The following PPHLN1 variants were observed in gnomAD, a reference collection of about 807,000 sequenced individuals.
PPHLN1 encodes the protein periphilin-1.
In PPHLN1, 29 loss-of-function variants were observed where a neutral mutation model predicts 51.3. The observed-to-expected ratio is 0.57, with a 90% CI of 0.42 to 0.77. The LOEUF is 0.77. Among genes scored for constraint, PPHLN1 ranks in the 30% least tolerant of loss-of-function variants. The pLI is 0.00. For missense variants in PPHLN1, 436 were observed against 438.4 expected, an observed-to-expected ratio of 0.99 and a Z score of 0.05; for synonymous variants, 147 against 147.8, an observed-to-expected ratio of 0.99 and a Z score of 0.04.
chr12:42,432,286 AT>A lies in PPHLN1; in HGVS notation c.910-9028del. ...CCTGACAACCTCTGCCTCTTCCACT[AT>A]GAGACCTAGAACCAATCTGTTATGG... On this transcript the variant is annotated intron_variant, in intron 9 of 9. Transcript: ENST00000358314. The A allele has an allele frequency of 4.0e-6, 3 of 758,518 alleles. No homozygotes were observed. The Admixed American group carries it at 5.2e-5, about 13-fold the overall frequency. The allele number at this position is 758,518 out of a possible 1,614,324, so 47.0% of individuals were successfully genotyped here.
At chr12:42,331,575 T>A (rs543004805) in intron 1 of PPHLN1, among the ~76,000 whole-genome samples, 1 of 152,220 alleles carries the variant, frequency 6.6e-6, no homozygotes, top group Non-Finnish European at 1.5e-5. Context: ...GAATTAAATA[T>A]CCCATGATGG....
chr12:42,419,666 A>T (rs1160042600), intron 9 of PPHLN1, among the ~76,000 whole-genome samples: 5 of 152,324 alleles, frequency 3.3e-5, no homozygotes, highest in Admixed American at 3.3e-4. Context: ...ATAAGAAGTT[A>T]CTTGTGTTGG....
At chr12:42,411,954 C>G (rs1458621625) in intron 9 of PPHLN1, among the ~76,000 whole-genome samples, 1 of 146,562 alleles carries the variant, frequency 6.8e-6, no homozygotes, top group Non-Finnish European at 1.5e-5. Context: ...CGCCTGTAAT[C>G]CCAGCACTTT....
At chr12:42,399,147 ACAGT>A in intron 9 of PPHLN1, 153 bp downstream of exon 9, 1 of 1,414,562 alleles carries the variant, frequency 7.1e-7, no homozygotes, top group South Asian at 1.7e-5. Context: ...AGTTGACTTC[ACAGT>A]CAGTTTGATC....
chr12:42,419,928 G>A (rs984339106), intron 9 of PPHLN1, among the ~76,000 whole-genome samples: 2 of 152,254 alleles, frequency 1.3e-5, no homozygotes, highest in African/African-American at 4.8e-5. Flanking sequence ...TGTTCAGTAT[G>A]TGAGGAGAAT....
intron 5 of PPHLN1, among the ~76,000 whole-genome samples, chr12:42,375,724 T>C (rs910465747): frequency 1.3e-5 from 2 of 152,202 alleles, no homozygotes; most frequent in Non-Finnish European, 2.9e-5. Context: ...TGCCTGAACC[T>C]ACATGACATT....
rs59044480 is a variant in PPHLN1 at position 42,346,334 on chromosome 12, A to AT, written c.73-5544dup. On this transcript the variant is annotated intron_variant, in intron 2 of 9. Coordinates refer to ENST00000358314, the MANE Select transcript of PPHLN1 (RefSeq NM_201439.2). ...CACATATAAATGATTATCATGCAAT[A>AT]TTTTTTTGTGTGTGTATCTAGCTTA... 4.6e-3 allele frequency among the ~76,000 whole-genome samples: 700 copies of AT among 151,608 alleles called. 7 individuals are homozygous for AT. The highest frequency in any genetic ancestry group is 6.8e-3 in the Non-Finnish European group (463 of 67,870).
intron 9 of PPHLN1, among the ~76,000 whole-genome samples, chr12:42,403,818 G>A (rs1844649617): frequency 6.6e-6 from 1 of 152,110 alleles, no homozygotes; most frequent in South Asian, 2.1e-4. Context: ...CCAAGTATAA[G>A]CTTCATTTTC....
chr12:42,372,205 C>G (rs778483010), intron 4 of PPHLN1, among the ~76,000 whole-genome samples: 2 of 152,048 alleles, frequency 1.3e-5, no homozygotes, highest in Non-Finnish European at 1.5e-5. Context: ...AAATTGAGGC[C>G]TGTTGTGATG....
At chr12:42,409,799 G>A (rs1383211054) in intron 9 of PPHLN1, among the ~76,000 whole-genome samples, 7 of 151,872 alleles carry the variant, frequency 4.6e-5, no homozygotes, top group Non-Finnish European at 1.0e-4. Flanking sequence ...GATAATTGAC[G>A]ATTATTTATC....
At chr12:42,352,116 AT>A in intron 3 of PPHLN1, 67 bp downstream of exon 3, 1 of 1,320,344 alleles carries the variant, frequency 7.6e-7, no homozygotes, top group African/African-American at 1.6e-5. Context: ...TAATTTAAAA[AT>A]TTATGTGACG....
At chr12:42,366,599 G>A (rs909665592) in intron 4 of PPHLN1, among the ~76,000 whole-genome samples, 3 of 151,396 alleles carry the variant, frequency 2.0e-5, no homozygotes, top group African/African-American at 7.3e-5. Flanking sequence ...GTGTTGCCCA[G>A]GCTGGTCTCT....
chr12:42,394,345 A>G (rs572767565), intron 8 of PPHLN1, among the ~76,000 whole-genome samples: 76 of 152,266 alleles, frequency 5.0e-4, no homozygotes, highest in Middle Eastern at 3.4e-3. Flanking sequence ...TACTATAGGA[A>G]TTCTTTGACA....
At chr12:42,391,487 G>T (rs1481165183) in intron 7 of PPHLN1, among the ~76,000 whole-genome samples, 5 of 151,890 alleles carry the variant, frequency 3.3e-5, no homozygotes, top group East Asian at 1.9e-4. Context: ...CAGGTGATCC[G>T]CCCGCCTCAG....
Position 42,346,331 on chromosome 12 carries a change from A to G in PPHLN1, c.73-5554A>G, listed in dbSNP as rs60896505. ...TTCCACATATAAATGATTATCATGC[A>G]ATATTTTTTTGTGTGTGTATCTAGC... On this transcript the variant is annotated intron_variant, in intron 2 of 9. Transcript: ENST00000358314. 4.0e-5 allele frequency among the ~76,000 whole-genome samples: 6 copies of G among 151,548 alleles called. No homozygotes were observed. In the East Asian group the frequency reaches 1.2e-3, roughly 29 times the overall value.
At chr12:42,360,887 A>G (rs770217609) in intron 4 of PPHLN1, among the ~76,000 whole-genome samples, 1 of 152,096 alleles carries the variant, frequency 6.6e-6, no homozygotes, top group Admixed American at 6.6e-5. Flanking sequence ...GAGTCTGCAA[A>G]GTTTCTTTAC....
chr12:42,420,686 C>G (rs867189554), intron 9 of PPHLN1, among the ~76,000 whole-genome samples: 110 of 97,466 alleles, frequency 1.1e-3, no homozygotes, highest in African/African-American at 3.7e-3. Context: ...CCTCCCCTCC[C>G]CTCCCCTCCC....
downstream of PPHLN1, chr12:42,445,254 T>G (rs1233361232): frequency 1.7e-6 from 1 of 601,758 alleles, no homozygotes; most frequent in African/African-American, 1.9e-5. Context: ...AGCCACCCAA[T>G]CACATCAATT....
At chr12:42,346,340 T>G (rs1019988063) in intron 2 of PPHLN1, among the ~76,000 whole-genome samples, 1 of 152,172 alleles carries the variant, frequency 6.6e-6, no homozygotes, top group Non-Finnish European at 1.5e-5. Context: ...CAATATTTTT[T>G]TGTGTGTGTA....
Sources: gnomAD v4.1 joint callset for allele counts (sites outside exome capture counted in the v4.1 genomes callset) on GRCh38, gnomAD v4.1.1 for gene constraint, MANE v1.5 for transcripts, NCBI Gene and HGNC (gene_info 2026-07-23, HGNC 2026-07-21) for gene names.